The following DENND2D variants were observed in gnomAD, a reference collection of about 807,000 sequenced individuals.
The protein encoded by DENND2D is DENN domain-containing protein 2D.
A neutral mutation model predicts 59.8 loss-of-function variants in DENND2D; 37 were observed. The observed-to-expected ratio is 0.62, with a 90% CI of 0.48 to 0.81. The LOEUF (loss-of-function observed/expected upper bound fraction) is 0.81. DENND2D is among the 40% of genes least tolerant of loss of function. The pLI, the probability that DENND2D is intolerant of heterozygous loss-of-function variation, is 0.00. For missense variants in DENND2D, 525 were observed against 579.7 expected (o/e 0.91, Z 0.97); for synonymous variants, 219 against 211.3 (o/e 1.04, Z -0.31).
intron 8 of DENND2D, among the ~76,000 whole-genome samples, chr1:111,189,901 A>T (rs1321512780): frequency 6.6e-6 from 1 of 152,164 alleles, no homozygotes; most frequent in Non-Finnish European, 1.5e-5. Flanking sequence ...GTGGTGGCTC[A>T]CGCCTGTAAT....
In DENND2D at chr1:111,186,674, C is replaced by G. The variant is rs1035249911; in HGVS notation, c.*931G>C. 6.6e-6 allele frequency among the ~76,000 whole-genome samples: 1 copy of G among 152,144 alleles called. No homozygotes were observed. Among genetic ancestry groups the G allele is most frequent in the Non-Finnish European group, 1.5e-5 (1 of 68,024 alleles). ...CGATTCTTTTCTCAAAGGGGAAGAA[C>G]GTCAGTGCAGCGATCCCTTCACCTT... On this transcript the variant is annotated 3_prime_UTR_variant, in exon 12 of 12. Transcript: ENST00000357640.
At chr1:111,204,251 C>T (rs1659094955), upstream of DENND2D, 7 of 1,450,118 alleles carry the variant, frequency 4.8e-6, no homozygotes, top group East Asian at 3.0e-5. Flanking sequence ...CCCGGCTCCC[C>T]GGTGCCCACG....
At chr1:111,194,947 C>T (rs909593376) in intron 6 of DENND2D, among the ~76,000 whole-genome samples, 4 of 152,106 alleles carry the variant, frequency 2.6e-5, no homozygotes, top group African/African-American at 4.8e-5. Flanking sequence ...CCCGAGCACA[C>T]GCCCCTCTCT....
chr1:111,196,854 G>A (rs905382432), intron 5 of DENND2D: 64 of 308,658 alleles, frequency 2.1e-4, no homozygotes, highest in African/African-American at 1.2e-3. Context: ...ATAGGAAGGT[G>A]AGATTATTAT....
chr1:111,197,491 A>G lies in DENND2D; in HGVS notation c.427-238T>C. On this transcript the variant is annotated intron_variant, in intron 4 of 11. Coordinates refer to ENST00000357640, the MANE Select transcript of DENND2D (RefSeq NM_024901.5). The stretch of plus-strand genomic sequence containing the variant: ...CCAGCACAATCTGGGGTCAGCAAAG[A>G]GGGGTAGCAAGTGTGCCTTAGAGAT... 2.8e-6 allele frequency: 4 copies of G among 1,410,024 alleles called. No homozygotes were observed. In the South Asian group the frequency reaches 4.6e-5, roughly 16 times the overall value. 87.3% of individuals were successfully genotyped at this position (1,410,024 alleles called of 1,614,324 possible).
At chr1:111,200,678 A>G, upstream of DENND2D, 1 of 1,331,296 alleles carries the variant, frequency 7.5e-7, no homozygotes, top group Non-Finnish European at 9.7e-7. Flanking sequence ...AGAAGCCAGC[A>G]CCAACAGAGT....
chr1:111,197,252 G>C lies in DENND2D; in HGVS notation c.428C>G (p.Pro143Arg), dbSNP rs574554507. ...GGGAAGGCGAGGGCCAGGGCCGGCA[G>C]GCTGGGGAGGGACAGAGAGGCTCCT... ...RKIGYCRRLL[P>R]AGPGPRLPKV... The change falls in exon 5 of 12, where the codon CCT becomes CGT. Residue 143 changes from proline to arginine, a missense_variant and splice_region_variant. By Grantham distance (103) the Pro-to-Arg change is moderately radical. Transcript: ENST00000357640. 2 of 1,611,980 alleles carry C rather than the reference G, an allele frequency of 1.2e-6. No individual in the cohort carries two copies. The highest frequency in any genetic ancestry group is 1.3e-5 in the African/African-American group (1 of 75,038).
At chr1:111,189,301 C>T (rs916367200) in intron 8 of DENND2D, 48 bp from the exon 9 acceptor site, 2 of 1,603,648 alleles carry the variant, frequency 1.2e-6, no homozygotes, top group Non-Finnish European at 1.7e-6. Flanking sequence ...TCTTCATAGA[C>T]CCCCAGAGGA....
At chr1:111,198,605 C>T in intron 3 of DENND2D, 25 bp downstream of exon 3, 4 of 1,608,626 alleles carry the variant, frequency 2.5e-6, no homozygotes, top group Non-Finnish European at 3.4e-6. Context: ...AAATCCAATA[C>T]CCTTGCCCAG....
In DENND2D at chr1:111,199,760, G is replaced by T. The variant is rs763345567; in HGVS notation, c.106C>A (p.Pro36Thr). 3 of 1,614,096 alleles carry T rather than the reference G, an allele frequency of 1.9e-6. No individual in the cohort carries two copies. The highest frequency in any genetic ancestry group is 2.5e-6 in the Non-Finnish European group (3 of 1,180,012). Residue 36 changes from proline to threonine, a missense_variant, in exon 2 of 12, where the codon CCA becomes ACA. Pro to Thr is a conservative substitution (Grantham distance 38, BLOSUM62 -1). Coordinates refer to ENST00000357640, the MANE Select transcript of DENND2D (RefSeq NM_024901.5). ...QDNSGEALKE[P>T]ERAQEHSLPN... ...AAAGAGTGCTCCTGGGCCCTTTCTG[G>T]TTCCTTTAAAGCTTCCCCTGAATTG...
chr1:111,204,188 G>A (rs1275358278), upstream of DENND2D: 5 of 1,159,016 alleles, frequency 4.3e-6, no homozygotes, highest in Admixed American at 1.3e-4. Flanking sequence ...AACTGCTCCC[G>A]GATCTCGACG....
chr1:111,197,351 G>T, intron 4 of DENND2D, 98 bp from the exon 5 acceptor site: 1 of 1,525,708 alleles, frequency 6.6e-7, no homozygotes. Context: ...CTGGGGAGGG[G>T]GATTTATGGG....
At chr1:111,194,991 G>C (rs186597645) in intron 6 of DENND2D, 2 of 451,254 alleles carry the variant, frequency 4.4e-6, no homozygotes, top group African/African-American at 3.9e-5. Context: ...TCTGTTCCTT[G>C]AGCAATCCCA....
At chr1:111,195,868 G>C (rs1198649336) in intron 6 of DENND2D, 48 bp downstream of exon 6, 1 of 1,612,018 alleles carries the variant, frequency 6.2e-7, no homozygotes, top group Non-Finnish European at 8.5e-7. Context: ...TGCCACAGAT[G>C]CCTACCCTCT....
At chr1:111,197,533 A>C in intron 4 of DENND2D, 1 of 1,385,904 alleles carries the variant, frequency 7.2e-7, no homozygotes, top group South Asian at 1.6e-5. Flanking sequence ...ATGGCTAAGG[A>C]GGAAAGCACT....
Position 111,187,364 on chromosome 1 carries a change from G to A in DENND2D, c.*241C>T. ...ACTGTTTCCTACCTGTGTCACCTCT[G>A]CAAAAAATGGAGCTCTGAGCCCAGT... On this transcript the variant is annotated 3_prime_UTR_variant, in exon 12 of 12. Coordinates refer to ENST00000357640, the MANE Select transcript of DENND2D (RefSeq NM_024901.5). The A allele has an allele frequency of 1.9e-6, 1 of 515,980 alleles. No homozygotes were observed. The highest frequency in any genetic ancestry group is 2.4e-5 in the South Asian group (1 of 41,944). 32.0% of individuals were successfully genotyped at this position (515,980 alleles called of 1,614,324 possible).
Position 111,192,228 on chromosome 1 carries a change from A to C in DENND2D, c.884T>G (p.Leu295Arg). Residue 295 changes from leucine to arginine, a missense_variant, in exon 8 of 12, where the codon CTT becomes CGT. Around this residue, in one of 3 missense-constraint regions of DENND2D, gnomAD observed 225 missense variants for 252.4 expected, o/e 0.89. Coordinates refer to ENST00000357640, the MANE Select transcript of DENND2D (RefSeq NM_024901.5). ...HTYIPVVPES[L>R]LATVCCPTPF... is the part of the protein sequence containing the mutation. ...GGTGGGGCAGCAGACGGTGGCCAGA[A>C]GGCTCTCAGGGACAACAGGGATGTA... The C allele has an allele frequency of 6.2e-7, 1 of 1,614,036 alleles. No homozygotes were observed. Among genetic ancestry groups the C allele is most frequent in the Non-Finnish European group, 8.5e-7 (1 of 1,179,956 alleles).
intron 4 of DENND2D, chr1:111,197,596 C>T (rs1284739192): frequency 7.4e-7 from 1 of 1,352,152 alleles, no homozygotes; most frequent in Non-Finnish European, 9.5e-7. Context: ...AACTAATTGT[C>T]CAAGTCCCAG....
Position 111,186,473 on chromosome 1 carries a change from T to G in DENND2D, c.*1132A>C, listed in dbSNP as rs1657257539. Among the ~76,000 whole-genome samples the G allele has an allele frequency of 6.6e-6, 1 of 152,164 alleles. No homozygotes were observed. The highest frequency in any genetic ancestry group is 1.5e-5 in the Non-Finnish European group (1 of 68,016). ...ACCCTCCAGAAACTTTTGTGTTCTTTGTATAGAATTTAGGAACTTCTGAGG... is the reference window on the plus strand; with the variant it reads ...ACCCTCCAGAAACTTTTGTGTTCTTGGTATAGAATTTAGGAACTTCTGAGG... On this transcript the variant is annotated 3_prime_UTR_variant, in exon 12 of 12. Transcript: ENST00000357640.
Sources: allele counts gnomAD v4.1 joint callset (sites outside exome capture counted in the v4.1 genomes callset), GRCh38; gene constraint gnomAD v4.1.1; regional missense constraint gnomAD v4.1.1; transcripts MANE v1.5; gene names NCBI Gene and HGNC (gene_info 2026-07-23, HGNC 2026-07-21).